AMMECR1: variants seen among roughly 807,000 people sequenced by gnomAD.
AMMECR1 encodes nuclear protein AMMECR1.
In AMMECR1, 3 loss-of-function variants were observed where a neutral mutation model predicts 22.5. The observed-to-expected ratio is 0.13, with a 90% CI of 0.06 to 0.35. The LOEUF (loss-of-function observed/expected upper bound fraction) is 0.35. Among genes scored for constraint, AMMECR1 ranks in the 10% least tolerant of loss-of-function variants. AMMECR1 has a pLI of 1.00. For missense variants in AMMECR1, 235 were observed against 278.7 expected, an observed-to-expected ratio of 0.84 and a Z score of 1.12; for synonymous variants, 130 against 116.7, an observed-to-expected ratio of 1.11 and a Z score of -0.74.
intron 2 of AMMECR1, among the ~76,000 whole-genome samples, chrX:110,400,136 G>A (rs186409759): frequency 3.7e-5 from 4 of 108,149 alleles, no homozygotes; most frequent in African/African-American, 6.8e-5. Context: ...TTTTGGCAGC[G>A]CAGTAAATAA....
chrX:110,404,834 T>C (rs1198084787), intron 2 of AMMECR1, among the ~76,000 whole-genome samples: 1 of 111,824 alleles, frequency 8.9e-6, no homozygotes, highest in East Asian at 2.8e-4. Flanking sequence ...ACGATTTTTC[T>C]TGGCATAAGT....
chrX:110,222,621 GA>G (rs745959315), intron 2 of AMMECR1, among the ~76,000 whole-genome samples: 1,458 of 80,221 alleles, frequency 0.018, 10 homozygotes, highest in African/African-American at 0.039. Context: ...TCCAATTCTG[GA>G]AAAAAAAAAA....
chrX:110,336,032 T>C lies in AMMECR1; in HGVS notation c.-147-18183A>G, dbSNP rs150510439. Among the ~76,000 whole-genome samples the C allele has an allele frequency of 2.9e-3, 321 of 112,000 alleles. 6 individuals carry two copies. In the East Asian group the frequency reaches 0.03, roughly 10 times the overall value. On this transcript the variant is annotated intron_variant, in intron 2 of 7. Transcript: ENST00000372057. ...CTAAGGATGTAACACCTAAGTTGGATGATGAAGATCAGTAGCTGCAGAAAT... is the reference window on the plus strand; with the variant it reads ...CTAAGGATGTAACACCTAAGTTGGACGATGAAGATCAGTAGCTGCAGAAAT...
intron 3 of AMMECR1, among the ~76,000 whole-genome samples, chrX:110,215,285 C>T (rs1446220365): frequency 9.0e-6 from 1 of 111,558 alleles, no homozygotes; most frequent in Non-Finnish European, 1.9e-5. Flanking sequence ...TTTCACCCCA[C>T]CCCCTAAAAC....
chrX:110,398,885 A>G (rs1480514528), intron 2 of AMMECR1, among the ~76,000 whole-genome samples: 2 of 112,426 alleles, frequency 1.8e-5, no homozygotes, highest in African/African-American at 6.5e-5. Context: ...ATTGAGCAGT[A>G]GAGGCTGTTT....
chrX:110,235,626 T>G (rs2067596338), intron 2 of AMMECR1, among the ~76,000 whole-genome samples: 1 of 112,298 alleles, frequency 8.9e-6, no homozygotes, highest in African/African-American at 3.2e-5. Flanking sequence ...TGGAGTACTA[T>G]GCAGCCATAA....
intron 2 of AMMECR1, among the ~76,000 whole-genome samples, chrX:110,407,725 T>C: frequency 8.9e-6 from 1 of 112,272 alleles, no homozygotes; most frequent in Non-Finnish European, 1.9e-5. Context: ...TTTGGGGCTA[T>C]CTGTGTGAGG....
chrX:110,228,282 A>G lies in AMMECR1; in HGVS notation c.585-11650T>C, dbSNP rs543950821. On this transcript the variant is annotated intron_variant, in intron 2 of 5. Transcript: ENST00000262844. ...AAATAGACAAAGCTAATACTACATT[A>G]TATTAGAAATCATAATAGGTGTCCT... Among the ~76,000 whole-genome samples, 4 of 111,611 alleles carry G rather than the reference A, an allele frequency of 3.6e-5. No individual in the cohort carries two copies. The South Asian group carries it at 1.5e-3, about 42-fold the overall frequency.
chrX:110,345,125 G>A (rs2068182893), intron 2 of AMMECR1, among the ~76,000 whole-genome samples: 1 of 112,247 alleles, frequency 8.9e-6, no homozygotes, highest in African/African-American at 3.2e-5. Flanking sequence ...ACTGGATTAA[G>A]AAAATGTGGC....
intron 2 of AMMECR1, among the ~76,000 whole-genome samples, chrX:110,258,045 C>G (rs1298538978): frequency 8.9e-6 from 1 of 112,020 alleles, no homozygotes; most frequent in Non-Finnish European, 1.9e-5. Flanking sequence ...CAGCTTCTCT[C>G]AACACTACCT....
chrX:110,309,334 T>C (rs1289305700), intron 1 of AMMECR1: 2 of 112,327 alleles, frequency 1.8e-5, no homozygotes, highest in East Asian at 5.6e-4. Context: ...CTAGAAAATA[T>C]GTTACTAAAG....
chrX:110,254,394 T>A (rs1413550008), intron 2 of AMMECR1, among the ~76,000 whole-genome samples: 3 of 111,997 alleles, frequency 2.7e-5, no homozygotes, highest in Non-Finnish European at 3.8e-5. Context: ...AAATAAAATT[T>A]AAAAATTTTC....
intron 2 of AMMECR1, among the ~76,000 whole-genome samples, chrX:110,351,569 A>C (rs775069694): frequency 8.9e-6 from 1 of 111,926 alleles, no homozygotes; most frequent in Admixed American, 9.5e-5. Context: ...CCCCTTCCTC[A>C]CACTATATAC....
intron 1 of AMMECR1, among the ~76,000 whole-genome samples, chrX:110,293,016 T>C (rs904522868): frequency 1.8e-5 from 2 of 112,155 alleles, no homozygotes; most frequent in African/African-American, 6.5e-5. Flanking sequence ...AAAACAGTCT[T>C]TTAAAAAGTA....
chrX:110,332,450 G>A (rs1446130763), intron 2 of AMMECR1, among the ~76,000 whole-genome samples: 1 of 111,961 alleles, frequency 8.9e-6, no homozygotes, highest in Non-Finnish European at 1.9e-5. Context: ...GAAATTAACT[G>A]CAAAAATGTA....
intron 2 of AMMECR1, among the ~76,000 whole-genome samples, chrX:110,405,312 A>G (rs770184324): frequency 8.9e-6 from 1 of 111,874 alleles, no homozygotes; most frequent in Non-Finnish European, 1.9e-5. Context: ...TTGGATAACC[A>G]AGAGCTCCCA....
chrX:110,258,209 G>T (rs1289713854), intron 2 of AMMECR1, among the ~76,000 whole-genome samples: 2 of 112,205 alleles, frequency 1.8e-5, no homozygotes, highest in Non-Finnish European at 3.8e-5. Flanking sequence ...GTGGCAGTAG[G>T]TGCTATATGA....
chrX:110,413,069 G>A (rs2068651973), intron 2 of AMMECR1, among the ~76,000 whole-genome samples: 1 of 111,468 alleles, frequency 9.0e-6, no homozygotes, highest in African/African-American at 3.3e-5. Context: ...AAGCCTCCCT[G>A]CTCGTCATCT....
intron 2 of AMMECR1, among the ~76,000 whole-genome samples, chrX:110,248,754 G>T (rs2067672083): frequency 1.8e-5 from 2 of 112,501 alleles, no homozygotes. Flanking sequence ...CAGTTGAAGA[G>T]AATAGCTGAG....
Sources: allele counts gnomAD v4.1 joint callset (sites outside exome capture counted in the v4.1 genomes callset), GRCh38; gene constraint gnomAD v4.1.1; transcripts MANE v1.5; gene names NCBI Gene and HGNC (gene_info 2026-07-23, HGNC 2026-07-21).